MACF1: variants seen among roughly 807,000 people sequenced by gnomAD.
MACF1 encodes microtubule actin crosslinking factor 1, also known as microtubule-actin cross-linking factor 1.
A neutral mutation model predicts 854.8 loss-of-function variants in MACF1; 193 were observed. The ratio of observed to expected loss-of-function variants is 0.23; its 90% CI spans 0.20 to 0.25. The LOEUF (loss-of-function observed/expected upper bound fraction) is 0.25. Among genes scored for constraint, MACF1 ranks in the 10% least tolerant of loss-of-function variants. MACF1 has a pLI of 1.00. For synonymous variants in MACF1, 3,185 were observed against 3,226.7 expected, an observed-to-expected ratio of 0.99 and a Z score of 0.44; for missense variants, 7,722 against 8,929.1, an observed-to-expected ratio of 0.86 and a Z score of 5.45.
At chr1:39,352,856 A>G (rs1220392325) in intron 43 of MACF1, 151 bp from the exon 44 acceptor site, 4 of 485,342 alleles carry the variant, frequency 8.2e-6, no homozygotes, top group Middle Eastern at 4.3e-4. Flanking sequence ...TTTAAAAGAT[A>G]TGAATTCTCT....
intron 2 of MACF1, among the ~76,000 whole-genome samples, chr1:39,115,187 T>C (rs1642514185): frequency 6.6e-6 from 1 of 152,176 alleles, no homozygotes; most frequent in Non-Finnish European, 1.5e-5. Flanking sequence ...TAGGAGTACT[T>C]TTCCTCTGGC....
At chr1:39,448,851 A>G in intron 84 of MACF1, 88 bp downstream of exon 84, 1 of 1,064,894 alleles carries the variant, frequency 9.4e-7, no homozygotes, top group Non-Finnish European at 1.3e-6. Flanking sequence ...TGATAAAGCT[A>G]ATGCATCAGT....
intron 42 of MACF1, among the ~76,000 whole-genome samples, chr1:39,349,875 T>G (rs1315018678): frequency 6.6e-6 from 1 of 152,210 alleles, no homozygotes; most frequent in African/African-American, 2.4e-5. Context: ...GCAATCCTCC[T>G]GCCGTGGCCT....
intron 58 of MACF1, among the ~76,000 whole-genome samples, chr1:39,418,870 A>T (rs1178384651): frequency 6.6e-6 from 1 of 152,170 alleles, no homozygotes; most frequent in African/African-American, 2.4e-5. Context: ...CTCAAAAAAA[A>T]AAAAATGCAG....
At position 39,331,508 on chromosome 1, in the gene MACF1, G is replaced by A. The variant is rs755282594; in HGVS notation, c.4920G>A (p.Lys1640=). Residue 1640 remains lysine (K), a synonymous_variant, in exon 37 of 101, where the codon AAG becomes AAA. Transcript: ENST00000564288. ...GPLSVVEAIE[K]RIISETVGLK... ...TTTCTGTGGTGGAAGCAATTGAAAA[G>A]AGAATAATCAGTGAGACAGTTGGAC... 1.9e-6 allele frequency: 3 copies of A among 1,614,074 alleles called. No homozygotes were observed. In the Admixed American group the frequency reaches 5.0e-5, roughly 27 times the overall value.
chr1:39,300,979 A>G (rs967102022), intron 22 of MACF1, among the ~76,000 whole-genome samples: 4 of 152,172 alleles, frequency 2.6e-5, no homozygotes, highest in African/African-American at 9.7e-5. Context: ...CCAAGATCGC[A>G]CTGTTTGCAC....
At chr1:39,468,770 A>G (rs376261847) in intron 96 of MACF1, 38 bp downstream of exon 96, 3 of 1,545,206 alleles carry the variant, frequency 1.9e-6, no homozygotes, top group South Asian at 1.1e-5. Context: ...CGTGTTAGGT[A>G]TGCCCCCAGC....
intron 2 of MACF1, among the ~76,000 whole-genome samples, chr1:39,150,676 G>C (rs1557483976): frequency 6.6e-6 from 1 of 152,088 alleles, no homozygotes; most frequent in Non-Finnish European, 1.5e-5. Flanking sequence ...CAGTTGTCAA[G>C]GTCACCAGTC....
At chr1:39,457,718 A>C (rs1464955810) in intron 89 of MACF1, 3 of 152,316 alleles carry the variant, frequency 2.0e-5, no homozygotes, top group Non-Finnish European at 4.4e-5. Flanking sequence ...TGGTCACAGC[A>C]CTGTCAGGCA....
intron 49 of MACF1, among the ~76,000 whole-genome samples, chr1:39,365,236 C>A (rs776821008): frequency 3.3e-5 from 5 of 152,044 alleles, no homozygotes; most frequent in Non-Finnish European, 7.4e-5. Context: ...CCACCACGTC[C>A]AGCTAATTTT....
chr1:39,446,936 C>T (rs1557659606), intron 80 of MACF1, among the ~76,000 whole-genome samples: 2 of 152,202 alleles, frequency 1.3e-5, no homozygotes, highest in African/African-American at 4.8e-5. Flanking sequence ...TTTTTAGACT[C>T]ATATTTTCAT....
In MACF1 at chr1:39,133,534, TCTC is replaced by T. The variant is rs559873975; in HGVS notation, c.220+49114_220+49116del. On this transcript the variant is annotated intron_variant, in intron 2 of 93. Coordinates refer to the MACF1 transcript ENST00000361689. ...CTTCCTCGTCCTCCTCCTCATCCTT[TCTC>T]CTCCTCCTCCTCCTCCTTCTTCCTG... Among the ~76,000 whole-genome samples, 157 of 151,986 alleles carry T rather than the reference TCTC, an allele frequency of 1.0e-3. 1 individual carries two copies. The highest frequency in any genetic ancestry group is 2.1e-3 in the African/African-American group (89 of 41,462).
chr1:39,268,957 T>C, intron 6 of MACF1: 1 of 1,286,600 alleles, frequency 7.8e-7, no homozygotes, highest in South Asian at 1.2e-5. Flanking sequence ...CCCCCAGATA[T>C]TTTGCTGCCT....
At chr1:39,267,119 G>T (rs141867084) in intron 6 of MACF1, among the ~76,000 whole-genome samples, 31 of 152,350 alleles carry the variant, frequency 2.0e-4, no homozygotes, top group Admixed American at 5.2e-4. Flanking sequence ...AGTTAGAAGA[G>T]AGTAGTTGGG....
chr1:39,273,881 C>T (rs1486181366), intron 6 of MACF1, among the ~76,000 whole-genome samples: 3 of 152,276 alleles, frequency 2.0e-5, no homozygotes, highest in African/African-American at 4.8e-5. Context: ...TGAGCCACCG[C>T]GCCCAGCCTT....
At chr1:39,477,989 T>C (rs1298548497) in intron 97 of MACF1, among the ~76,000 whole-genome samples, 1 of 147,860 alleles carries the variant, frequency 6.8e-6, no homozygotes, top group Non-Finnish European at 1.5e-5. Flanking sequence ...CAGAGTTTGC[T>C]CAGAAGTGAA....
At chr1:39,438,478 C>T (rs79374280) in intron 71 of MACF1, among the ~76,000 whole-genome samples, 3,047 of 152,266 alleles carry the variant, frequency 0.02, 112 homozygotes, top group African/African-American at 0.07. Flanking sequence ...AAGAGGAAAA[C>T]GCTAGTATAT....
In MACF1 at chr1:39,359,185, A is replaced by G; in HGVS notation, c.12165A>G (p.Lys4055=). ...CTGAGCACCAAGTACCTGTGGAAAA[A>G]CTCCAAAAAGTAGCTCGTGACATAA... ...ELAEHQVPVE[K]LQKVARDIME... The change falls in exon 47 of 101, where the codon AAA becomes AAG. Residue 4055 remains lysine, a synonymous_variant. Coordinates refer to ENST00000564288, the MANE Select transcript of MACF1 (RefSeq NM_001394062.1). 1 of 1,613,704 alleles carries G rather than the reference A, an allele frequency of 6.2e-7. No individual in the cohort carries two copies. The highest frequency in any genetic ancestry group is 8.5e-7 in the Non-Finnish European group (1 of 1,179,956).
intron 71 of MACF1, among the ~76,000 whole-genome samples, chr1:39,438,309 A>G (rs1423482930): frequency 1.3e-5 from 2 of 152,242 alleles, no homozygotes; most frequent in African/African-American, 2.4e-5. Context: ...AACACTTTCC[A>G]TGGGAAACAT....
Sources: gnomAD v4.1 joint callset for allele counts (sites outside exome capture counted in the v4.1 genomes callset) on GRCh38, gnomAD v4.1.1 for gene constraint, MANE v1.5 for transcripts, NCBI Gene and HGNC (gene_info 2026-07-23, HGNC 2026-07-21) for gene names.